KCNB2: variants seen among roughly 807,000 people sequenced by gnomAD.
The protein encoded by KCNB2 is delayed rectifier potassium channel protein.
KCNB2 carries 15 observed loss-of-function variants against 61.5 expected under a neutral mutation model. That is an observed-to-expected ratio of 0.24 (90% CI 0.16 to 0.38). The LOEUF (loss-of-function observed/expected upper bound fraction) is 0.38. Among genes scored for constraint, KCNB2 ranks in the 10% least tolerant of loss-of-function variants. The probability of loss-of-function intolerance (pLI) is 1.00; values close to 1 mark genes in which losing one functional copy is unlikely to be tolerated. For synonymous variants in KCNB2, 457 were observed against 446.0 expected, an observed-to-expected ratio of 1.02 and a Z score of -0.31; for missense variants, 828 against 1,125.2, an observed-to-expected ratio of 0.74 and a Z score of 3.78.
In KCNB2 at chr8:72,568,920, A is replaced by AT. The variant is rs534238596; in HGVS notation, c.579+621dup. ...TAACAGTGCATGTTTCTGACTGTTAATTTTTTTTTTTTTTACAATTGAGGT... is the reference window on the plus strand; with the variant it reads ...TAACAGTGCATGTTTCTGACTGTTAATTTTTTTTTTTTTTTACAATTGAGGT... On this transcript the variant is annotated intron_variant, in intron 2 of 2. Coordinates refer to ENST00000523207, the MANE Select transcript of KCNB2 (RefSeq NM_004770.3). 3.4e-3 allele frequency among the ~76,000 whole-genome samples: 492 copies of AT among 146,158 alleles called. 4 individuals carry two copies. Among genetic ancestry groups the AT allele is most frequent in the South Asian group, 0.012 (55 of 4,572 alleles).
At chr8:72,755,152 A>C (rs1419715259) in intron 2 of KCNB2, among the ~76,000 whole-genome samples, 2 of 152,172 alleles carry the variant, frequency 1.3e-5, no homozygotes, top group Non-Finnish European at 2.9e-5. Context: ...AAAATAACTG[A>C]CCAGTACATC....
chr8:72,610,157 A>G (rs1387316), intron 2 of KCNB2, among the ~76,000 whole-genome samples: 131,265 of 152,114 alleles, frequency 0.86, 56,871 homozygotes, highest in Non-Finnish European at 0.9. Flanking sequence ...AGAGCAGGTA[A>G]TTGTTGGAGA....
At chr8:72,851,057 G>A (rs555032945) in intron 2 of KCNB2, among the ~76,000 whole-genome samples, 1 of 24,648 alleles carries the variant, frequency 4.1e-5, no homozygotes, top group East Asian at 4.1e-4. Flanking sequence ...CCCATAAAAA[G>A]AGTTGATGAT....
intron 2 of KCNB2, among the ~76,000 whole-genome samples, chr8:72,632,295 T>C (rs1563544178): frequency 6.6e-6 from 1 of 152,078 alleles, no homozygotes; most frequent in Non-Finnish European, 1.5e-5. Flanking sequence ...GAATATTATT[T>C]CATGAAGTGA....
intron 1 of KCNB2, among the ~76,000 whole-genome samples, chr8:72,561,723 A>ATG (rs1554576118): frequency 1.9e-4 from 6 of 31,774 alleles, no homozygotes; most frequent in African/African-American, 1.4e-3. Flanking sequence ...ATATATATAT[A>ATG]TATATCTATA....
intron 2 of KCNB2, among the ~76,000 whole-genome samples, chr8:72,591,034 T>A (rs904065573): frequency 5.3e-5 from 8 of 152,094 alleles, no homozygotes; most frequent in Non-Finnish European, 4.4e-5. Flanking sequence ...TTGGGAGAGG[T>A]AAAAATGAAA....
At chr8:72,657,596 A>C (rs1806311722) in intron 2 of KCNB2, among the ~76,000 whole-genome samples, 1 of 152,178 alleles carries the variant, frequency 6.6e-6, no homozygotes, top group South Asian at 2.1e-4. Context: ...CATTTATAAA[A>C]CAGTCTCCTA....
intron 2 of KCNB2, among the ~76,000 whole-genome samples, chr8:72,867,884 T>C (rs1247272551): frequency 6.6e-6 from 1 of 152,132 alleles, no homozygotes; most frequent in East Asian, 1.9e-4. Flanking sequence ...GTAGATAGAT[T>C]CCAACATTAT....
chr8:72,570,308 T>C (rs1197797459), intron 2 of KCNB2, among the ~76,000 whole-genome samples: 1 of 152,220 alleles, frequency 6.6e-6, no homozygotes, highest in African/African-American at 2.4e-5. Flanking sequence ...GTTTCCACAT[T>C]GTTAATCAAG....
At chr8:72,589,103 C>T (rs978374870) in intron 2 of KCNB2, among the ~76,000 whole-genome samples, 2 of 152,076 alleles carry the variant, frequency 1.3e-5, no homozygotes, top group African/African-American at 4.8e-5. Context: ...CTAGAAAGGA[C>T]AGGGAGCTCA....
At chr8:72,774,730 C>T (rs1191468732) in intron 2 of KCNB2, among the ~76,000 whole-genome samples, 1 of 152,004 alleles carries the variant, frequency 6.6e-6, no homozygotes, top group Non-Finnish European at 1.5e-5. Context: ...TAAGAATTCT[C>T]ATGTCCTACT....
intron 2 of KCNB2, among the ~76,000 whole-genome samples, chr8:72,777,855 A>T (rs1263401990): frequency 6.6e-6 from 1 of 152,156 alleles, no homozygotes; most frequent in Non-Finnish European, 1.5e-5. Context: ...GAATTTATAC[A>T]TTTCTTGCTT....
intron 2 of KCNB2, among the ~76,000 whole-genome samples, chr8:72,911,758 G>T (rs1806299619): frequency 6.6e-6 from 1 of 152,162 alleles, no homozygotes. Context: ...CAGACTGGCT[G>T]GGTTCAAATC....
chr8:72,799,807 C>T lies in KCNB2; in HGVS notation c.580-136128C>T, dbSNP rs144271035. On this transcript the variant is annotated intron_variant, in intron 2 of 2. Transcript: ENST00000523207. The stretch of plus-strand genomic sequence containing the variant: ...AGGAGAAATTTGATTTGTGGGAGGA[C>T]CCAGATTAATTTTAGTCAGAAAGGC... 3.1e-3 allele frequency among the ~76,000 whole-genome samples: 475 copies of T among 152,072 alleles called. 2 individuals carry two copies. The highest frequency in any genetic ancestry group is 0.011 in the African/African-American group (452 of 41,480).
At chr8:72,826,227 G>T (rs1809593748) in intron 2 of KCNB2, among the ~76,000 whole-genome samples, 1 of 152,158 alleles carries the variant, frequency 6.6e-6, no homozygotes, top group African/African-American at 2.4e-5. Flanking sequence ...GCTGAGGCTG[G>T]AAGAGTCTAA....
intron 2 of KCNB2, among the ~76,000 whole-genome samples, chr8:72,831,879 T>C (rs1809703982): frequency 6.6e-6 from 1 of 152,254 alleles, no homozygotes; most frequent in South Asian, 2.1e-4. Flanking sequence ...TTATACTTGA[T>C]CTTAGCCAAA....
In KCNB2 at chr8:72,575,019, A is replaced by G. The variant is rs543181034; in HGVS notation, c.579+6706A>G. Among the ~76,000 whole-genome samples the G allele has an allele frequency of 4.6e-5, 7 of 152,182 alleles. No homozygotes were observed. The South Asian group carries it at 6.2e-4, about 13-fold the overall frequency. On this transcript the variant is annotated intron_variant, in intron 2 of 2. Coordinates refer to ENST00000523207, the MANE Select transcript of KCNB2 (RefSeq NM_004770.3). ...TCATTAAAAGGAAGAAGACAAACAA[A>G]TACTTTCCAAATGCTAAGAGTTTAT...
chr8:72,920,144 C>G (rs1806481831), intron 2 of KCNB2, among the ~76,000 whole-genome samples: 1 of 151,880 alleles, frequency 6.6e-6, no homozygotes, highest in South Asian at 2.1e-4. Context: ...TGTAAGATCA[C>G]TAGATCTCAA....
chr8:72,920,186 C>T (rs1055168891), intron 2 of KCNB2, among the ~76,000 whole-genome samples: 2 of 151,614 alleles, frequency 1.3e-5, no homozygotes, highest in South Asian at 4.2e-4. Context: ...TTTACTTAAT[C>T]AAAAATTGGG....
Sources: gnomAD v4.1 joint callset for allele counts (sites outside exome capture counted in the v4.1 genomes callset) on GRCh38, gnomAD v4.1.1 for gene constraint, MANE v1.5 for transcripts, NCBI Gene and HGNC (gene_info 2026-07-23, HGNC 2026-07-21) for gene names.